FAAH2: variants seen among roughly 807,000 people sequenced by gnomAD.
FAAH2 encodes the protein fatty-acid amide hydrolase 2.
A neutral mutation model predicts 36.9 loss-of-function variants in FAAH2; 60 were observed. The ratio of observed to expected loss-of-function variants is 1.63; its 90% CI spans 1.32 to 2.02. The LOEUF (loss-of-function observed/expected upper bound fraction) is 2.02. FAAH2 is among the 30% of genes most tolerant of loss of function. The probability of loss-of-function intolerance (pLI) is 0.00; values close to 1 mark genes in which losing one functional copy is unlikely to be tolerated. For missense variants in FAAH2, 689 were observed against 397.5 expected (o/e 1.73, Z -6.23); for synonymous variants, 214 against 143.8 (o/e 1.49, Z -3.49).
At chrX:57,396,638 G>T (rs1485382774) in intron 7 of FAAH2, among the ~76,000 whole-genome samples, 1 of 111,536 alleles carries the variant, frequency 9.0e-6, no homozygotes, top group Non-Finnish European at 1.9e-5. Context: ...TATTTGTGTT[G>T]TTTTGAGAGT....
the FAAH2 span, among the ~76,000 whole-genome samples, chrX:57,246,763 T>C: frequency 8.9e-6 from 1 of 112,159 alleles, no homozygotes; most frequent in Admixed American, 9.5e-5. Flanking sequence ...TCTTCCTTTC[T>C]TTTCTTGACA....
chrX:57,449,379 G>A (rs2056741989), intron 10 of FAAH2, among the ~76,000 whole-genome samples: 1 of 111,744 alleles, frequency 8.9e-6, no homozygotes, highest in Non-Finnish European at 1.9e-5. Flanking sequence ...CTTAAAGTTA[G>A]AATTTGGAAT....
chrX:57,178,244 C>A, the FAAH2 span, among the ~76,000 whole-genome samples: 1 of 112,082 alleles, frequency 8.9e-6, no homozygotes, highest in Non-Finnish European at 1.9e-5. Flanking sequence ...ATGTACTGGG[C>A]ACATGGACAG....
rs757004273 is a variant in FAAH2, at chrX:57,389,262, G to T, written c.996+8233G>T. Among the ~76,000 whole-genome samples, 3 of 65,583 alleles carry T rather than the reference G, an allele frequency of 4.6e-5. No individual in the cohort carries two copies. In the South Asian group the frequency reaches 3.3e-3, roughly 72 times the overall value. 57.0% of individuals were successfully genotyped at this position (65,583 alleles called of 115,157 possible). A position where few individuals can be genotyped will look rare whatever the true frequency, so the allele number is the denominator to read the frequency against. ...TACCCTTACACACACACATACACAC[G>T]CACACACACACACACCTACACACAC... is the stretch of plus-strand genomic sequence containing the variant. On this transcript the variant is annotated intron_variant, in intron 7 of 10. Coordinates refer to ENST00000374900, the MANE Select transcript of FAAH2 (RefSeq NM_174912.4).
At chrX:57,410,931 A>G (rs1454723272) in intron 7 of FAAH2, among the ~76,000 whole-genome samples, 2 of 111,410 alleles carry the variant, frequency 1.8e-5, no homozygotes, top group Non-Finnish European at 3.8e-5. Context: ...GTAGTTCTAT[A>G]TTTCTTTGGG....
chrX:57,212,884 T>C, the FAAH2 span, among the ~76,000 whole-genome samples: 3 of 111,996 alleles, frequency 2.7e-5, no homozygotes, highest in East Asian at 8.4e-4. Context: ...ATTAGAATAA[T>C]TTCAGGAGGG....
the FAAH2 span, among the ~76,000 whole-genome samples, chrX:57,235,340 A>G: frequency 9.0e-6 from 1 of 111,410 alleles, no homozygotes; most frequent in East Asian, 2.8e-4. Context: ...GGTGTTGGGG[A>G]TGGTACATGA....
chrX:57,485,069 G>T (rs987523407), intron 10 of FAAH2, among the ~76,000 whole-genome samples: 9 of 111,791 alleles, frequency 8.1e-5, no homozygotes, highest in African/African-American at 2.9e-4. Context: ...TTCAGTTGGG[G>T]GCAAGCCAGC....
intron 5 of FAAH2, among the ~76,000 whole-genome samples, chrX:57,377,903 G>A (rs1190177065): frequency 9.0e-6 from 1 of 111,516 alleles, no homozygotes; most frequent in Non-Finnish European, 1.9e-5. Flanking sequence ...TTTCTTTTTA[G>A]CAATTGTGAA....
the FAAH2 span, among the ~76,000 whole-genome samples, chrX:57,164,880 G>A: frequency 8.9e-6 from 1 of 111,913 alleles, no homozygotes; most frequent in African/African-American, 3.2e-5. Flanking sequence ...TTGTTTTATA[G>A]TACTCATACC....
At chrX:57,448,402 C>A in intron 9 of FAAH2, 122 bp from the exon 10 acceptor site, 1 of 672,375 alleles carries the variant, frequency 1.5e-6, no homozygotes, top group Non-Finnish European at 2.1e-6. Flanking sequence ...TTTCCTTTTC[C>A]ATCACTTACT....
At chrX:57,246,689 T>C in the FAAH2 span, among the ~76,000 whole-genome samples, 1 of 112,414 alleles carries the variant, frequency 8.9e-6, no homozygotes, top group Non-Finnish European at 1.9e-5. Context: ...TTGTTATTAT[T>C]CAATAACAAA....
At chrX:57,358,726 G>C (rs2054219497) in intron 5 of FAAH2, among the ~76,000 whole-genome samples, 1 of 111,323 alleles carries the variant, frequency 9.0e-6, no homozygotes, top group African/African-American at 3.3e-5. Flanking sequence ...TATTTAGGTG[G>C]ATAAATATCT....
intron 8 of FAAH2, among the ~76,000 whole-genome samples, chrX:57,432,473 G>A (rs1200643669): frequency 2.7e-5 from 3 of 111,737 alleles, no homozygotes; most frequent in African/African-American, 9.7e-5. Flanking sequence ...AACTTCAGTT[G>A]TCAAGTTCCA....
At chrX:57,269,278 A>C in the FAAH2 span, among the ~76,000 whole-genome samples, 1 of 111,694 alleles carries the variant, frequency 9.0e-6, no homozygotes, top group African/African-American at 3.3e-5. Flanking sequence ...TAATAGTGGG[A>C]TATTTTAACA....
At chrX:57,462,687 C>T (rs903620467) in intron 10 of FAAH2, among the ~76,000 whole-genome samples, 2 of 112,376 alleles carry the variant, frequency 1.8e-5, no homozygotes, top group Admixed American at 1.9e-4. Flanking sequence ...TTATGATAAA[C>T]CCATAGCCAA....
At chrX:57,460,088 C>T (rs760399884) in intron 10 of FAAH2, among the ~76,000 whole-genome samples, 6 of 110,260 alleles carry the variant, frequency 5.4e-5, no homozygotes, top group African/African-American at 2.0e-4. Flanking sequence ...GCAAGGAAGG[C>T]GTGAAGACAA....
intron 5 of FAAH2, among the ~76,000 whole-genome samples, chrX:57,362,827 T>C (rs924692111): frequency 8.9e-6 from 1 of 112,113 alleles, no homozygotes; most frequent in African/African-American, 3.2e-5. Flanking sequence ...CATTTATTGA[T>C]AGGTACTTCA....
chrX:57,269,453 T>C, the FAAH2 span, among the ~76,000 whole-genome samples: 32 of 111,757 alleles, frequency 2.9e-4, 1 homozygote, highest in African/African-American at 1.0e-3. Flanking sequence ...GGACATACTC[T>C]AAAACCAACT....
Sources: gnomAD v4.1 joint callset for allele counts (sites outside exome capture counted in the v4.1 genomes callset) on GRCh38, gnomAD v4.1.1 for gene constraint, MANE v1.5 for transcripts, NCBI Gene and HGNC (gene_info 2026-07-23, HGNC 2026-07-21) for gene names.